The following FAT3 variants were observed in gnomAD, a reference collection of about 807,000 sequenced individuals.
FAT3 encodes the protein protocadherin Fat 3.
A neutral mutation model predicts 310.2 loss-of-function variants in FAT3; 95 were observed. That is an observed-to-expected ratio of 0.31 (90% CI 0.26 to 0.36). The LOEUF (loss-of-function observed/expected upper bound fraction) is 0.36. Among genes scored for constraint, FAT3 ranks in the 10% least tolerant of loss-of-function variants. The probability of loss-of-function intolerance (pLI) is 1.00; values close to 1 mark genes in which losing one functional copy is unlikely to be tolerated. For missense variants in FAT3, 5,408 were observed against 5,715.6 expected (o/e 0.95, Z 1.74); for synonymous variants, 2,314 against 2,192.9 (o/e 1.06, Z -1.54).
chr11:92,595,889 T>G (rs1372393505), intron 3 of FAT3, among the ~76,000 whole-genome samples: 2 of 152,186 alleles, frequency 1.3e-5, no homozygotes, highest in Non-Finnish European at 2.9e-5. Flanking sequence ...CGTGCTGTCA[T>G]GCTTGGGATC....
Position 92,836,684 on chromosome 11 carries a change from A to G in FAT3, c.10205A>G (p.Lys3402Arg), listed in dbSNP as rs761350010. The G allele has an allele frequency of 3.1e-6, 5 of 1,613,514 alleles. No homozygotes were observed. Among genetic ancestry groups the G allele is most frequent in the South Asian group, 2.2e-5 (2 of 90,964 alleles). The change falls in exon 16 of 28, where the codon AAG becomes AGG. Residue 3402 changes from lysine to arginine, a missense_variant. By Grantham distance (26) the Lys-to-Arg change is conservative. Transcript: ENST00000525166. ...GTCTTGGGACTTGTGAAAGTTAAGAAGAAATTGGACCGGGAACGGGTAAGC... is the reference window on the plus strand; with the variant it reads ...GTCTTGGGACTTGTGAAAGTTAAGAGGAAATTGGACCGGGAACGGGTAAGC... ...DPVLGLVKVKKKLDRERVSGY... is the reference protein window; with the variant it reads ...DPVLGLVKVKRKLDRERVSGY...
At chr11:92,700,780 C>T (rs182422438) in intron 4 of FAT3, among the ~76,000 whole-genome samples, 2 of 152,236 alleles carry the variant, frequency 1.3e-5, no homozygotes, top group Middle Eastern at 3.4e-3. Flanking sequence ...ATCTCTCTCT[C>T]CCTTTGTCCT....
intron 4 of FAT3, among the ~76,000 whole-genome samples, chr11:92,735,985 A>G (rs536706832): frequency 1.3e-5 from 2 of 152,292 alleles, no homozygotes; most frequent in Admixed American, 6.5e-5. Context: ...TCAAGGTTGT[A>G]CAGCTCAGAA....
At chr11:92,390,776 G>A (rs1411076476) in intron 2 of FAT3, among the ~76,000 whole-genome samples, 1 of 152,200 alleles carries the variant, frequency 6.6e-6, no homozygotes, top group South Asian at 2.1e-4. Flanking sequence ...CCAGGAATGG[G>A]TAGAAGCTGG....
In FAT3 at chr11:92,749,804, A is replaced by G. The variant is rs115642859; in HGVS notation, c.3670-12052A>G. The stretch of plus-strand genomic sequence containing the variant: ...CTACAATTAATTTTCAACAGCCACA[A>G]CATTAAATTCCTACCCATAGAGACT... On this transcript the variant is annotated intron_variant, in intron 4 of 27. Coordinates refer to ENST00000525166, the MANE Select transcript of FAT3 (RefSeq NM_001367949.2). 8.4e-3 allele frequency among the ~76,000 whole-genome samples: 1,287 copies of G among 152,324 alleles called. 15 individuals are homozygous for G. Among genetic ancestry groups the G allele is most frequent in the African/African-American group, 0.029 (1,217 of 41,560 alleles).
intron 3 of FAT3, among the ~76,000 whole-genome samples, chr11:92,629,285 G>C (rs1382305809): frequency 6.6e-6 from 1 of 152,118 alleles, no homozygotes; most frequent in Non-Finnish European, 1.5e-5. Flanking sequence ...TTTACTAAAG[G>C]GAAACTGAAA....
chr11:92,442,661 A>G (rs1951102946), intron 2 of FAT3, among the ~76,000 whole-genome samples: 1 of 152,098 alleles, frequency 6.6e-6, no homozygotes, highest in Non-Finnish European at 1.5e-5. Context: ...GTCCGGCTTC[A>G]TCACTCTGTT....
At chr11:92,366,737 G>T in intron 2 of FAT3, 1 of 535,460 alleles carries the variant, frequency 1.9e-6, no homozygotes, top group Non-Finnish European at 3.8e-6. Context: ...GATCTGGGGA[G>T]CTATTTCTTC....
At chr11:92,469,496 T>C (rs1429982124) in intron 2 of FAT3, among the ~76,000 whole-genome samples, 1 of 152,110 alleles carries the variant, frequency 6.6e-6, no homozygotes, top group East Asian at 1.9e-4. Context: ...TTTTAAAGCT[T>C]ATTTTAAAAT....
chr11:92,391,555 A>G (rs551905000), intron 2 of FAT3, among the ~76,000 whole-genome samples: 4 of 152,228 alleles, frequency 2.6e-5, no homozygotes, highest in Non-Finnish European at 5.9e-5. Context: ...TTGTCTTCAC[A>G]GTAACTTAAT....
At chr11:92,550,762 A>G (rs1591437186) in intron 3 of FAT3, among the ~76,000 whole-genome samples, 1 of 123,730 alleles carries the variant, frequency 8.1e-6, no homozygotes, top group East Asian at 2.7e-4. Flanking sequence ...CCTGGTTGCC[A>G]CATTTATCTT....
intron 4 of FAT3, among the ~76,000 whole-genome samples, chr11:92,728,191 T>C (rs563096554): frequency 6.6e-6 from 1 of 152,336 alleles, no homozygotes; most frequent in South Asian, 2.1e-4. Context: ...AAACGAGTTG[T>C]CCATATTATT....
At chr11:92,382,803 G>T (rs1328223671) in intron 2 of FAT3, among the ~76,000 whole-genome samples, 1 of 152,180 alleles carries the variant, frequency 6.6e-6, no homozygotes, top group African/African-American at 2.4e-5. Context: ...GGGTAGGCCA[G>T]GCTTCTGCCT....
chr11:92,836,768 A>G, intron 16 of FAT3, 65 bp downstream of exon 16: 1 of 1,568,262 alleles, frequency 6.4e-7, no homozygotes, highest in Non-Finnish European at 8.7e-7. Context: ...TCAGGGGCAC[A>G]AGCTCCACGG....
intron 4 of FAT3, among the ~76,000 whole-genome samples, chr11:92,755,054 T>C (rs536131190): frequency 5.9e-5 from 9 of 152,196 alleles, no homozygotes; most frequent in African/African-American, 2.2e-4. Flanking sequence ...CTAGAGGTGA[T>C]AGAGGAGACA....
chr11:92,677,131 T>A (rs1159939965), intron 3 of FAT3, among the ~76,000 whole-genome samples: 2 of 152,250 alleles, frequency 1.3e-5, no homozygotes, highest in East Asian at 3.9e-4. Flanking sequence ...GATCATAAAT[T>A]ATCTAAGGCA....
rs374977464 is a variant in FAT3, at chr11:92,801,282, G to A, written c.8269G>A (p.Val2757Ile). ...RPENNKGGIF[V>I]IEQETGTIKL... is the part of the protein sequence containing the mutation. ...AGAAAATAACAAAGGGGGCATATTC[G>A]TCATAGAACAGGAAACAGGCACTAT... The change falls in exon 10 of 28, where the codon GTC becomes ATC. Residue 2757 changes from valine (V) to isoleucine (I), a missense_variant. Around this residue, in one of 5 missense-constraint regions of FAT3, gnomAD observed 4,588 missense variants for 4,809.8 expected, o/e 0.95. Transcript: ENST00000525166. 76 of 1,613,770 alleles carry A rather than the reference G, an allele frequency of 4.7e-5. No homozygotes were observed. Among genetic ancestry groups the A allele is most frequent in the South Asian group, 2.4e-4 (22 of 91,070 alleles).
At chr11:92,617,887 A>C (rs990837373) in intron 3 of FAT3, among the ~76,000 whole-genome samples, 1 of 152,146 alleles carries the variant, frequency 6.6e-6, no homozygotes, top group Non-Finnish European at 1.5e-5. Flanking sequence ...GGTGTCAGTC[A>C]GCCCCTACTG....
At chr11:92,647,032 A>G (rs558769192) in intron 3 of FAT3, among the ~76,000 whole-genome samples, 1 of 152,142 alleles carries the variant, frequency 6.6e-6, no homozygotes, top group East Asian at 1.9e-4. Flanking sequence ...GACAATTCCT[A>G]TTTTCTTTTA....
Sources: gnomAD v4.1 joint callset for allele counts (sites outside exome capture counted in the v4.1 genomes callset) on GRCh38, gnomAD v4.1.1 for gene constraint, gnomAD v4.1.1 regional missense constraint, MANE v1.5 for transcripts, NCBI Gene and HGNC (gene_info 2026-07-23, HGNC 2026-07-21) for gene names.